MEF2B: variants seen among roughly 807,000 people sequenced by gnomAD.
MEF2B encodes the protein myocyte enhancer factor 2B, also known as myocyte-specific enhancer factor 2B.
A neutral mutation model predicts 32.2 loss-of-function variants in MEF2B; 15 were observed. The observed-to-expected ratio is 0.47, with a 90% CI of 0.31 to 0.72. The LOEUF (loss-of-function observed/expected upper bound fraction) is 0.72. Among genes scored for constraint, MEF2B ranks in the 30% least tolerant of loss-of-function variants. The pLI, the probability that MEF2B is intolerant of heterozygous loss-of-function variation, is 0.05. For synonymous variants in MEF2B, 205 were observed against 225.6 expected (o/e 0.91, Z 0.82); for missense variants, 441 against 511.5 (o/e 0.86, Z 1.33).
chr19:19,152,661 G>A (rs575171510), intron 1 of MEF2B, among the ~76,000 whole-genome samples: 14 of 152,334 alleles, frequency 9.2e-5, no homozygotes, highest in South Asian at 2.1e-4. Flanking sequence ...CCGAGATCCC[G>A]AGATTTTGAC....
intron 1 of MEF2B, among the ~76,000 whole-genome samples, chr19:19,159,777 C>T (rs2060145665): frequency 6.6e-6 from 1 of 152,064 alleles, no homozygotes; most frequent in Admixed American, 6.6e-5. Context: ...ATTATCATCT[C>T]CCCAGCCTGG....
At chr19:19,146,198 A>G (rs2060024591) in intron 8 of MEF2B, 75 bp downstream of exon 8, 6 of 849,692 alleles carry the variant, frequency 7.1e-6, no homozygotes, top group Non-Finnish European at 1.0e-5. Context: ...GCGCAGTACC[A>G]GGGATGGCCA....
rs577928228 is a variant in MEF2B, at chr19:19,167,742, C to T, written c.-30+2463G>A. ...AGCCAAGAGTGGGTTCAGCTTGCTCCGCTCACAGGAGCTGCCACAAAGTTC... is the reference window on the plus strand; with the variant it reads ...AGCCAAGAGTGGGTTCAGCTTGCTCTGCTCACAGGAGCTGCCACAAAGTTC... On this transcript the variant is annotated intron_variant, in intron 1 of 8. Coordinates refer to ENST00000424583, the MANE Select transcript of MEF2B (RefSeq NM_001145785.2). Among the ~76,000 whole-genome samples the T allele has an allele frequency of 5.8e-4, 89 of 152,252 alleles. 4 individuals carry two copies. In the South Asian group the frequency reaches 0.017, roughly 28 times the overall value.
intron 3 of MEF2B, among the ~76,000 whole-genome samples, chr19:19,148,756 G>A (rs997957280): frequency 6.6e-6 from 1 of 151,634 alleles, no homozygotes; most frequent in Non-Finnish European, 1.5e-5. Context: ...CTGTTGCCCA[G>A]GCTGGAGTGC....
intron 1 of MEF2B, among the ~76,000 whole-genome samples, chr19:19,151,501 C>T (rs2060079372): frequency 6.6e-6 from 1 of 152,088 alleles, no homozygotes; most frequent in Admixed American, 6.6e-5. Flanking sequence ...CTCGAGGTTC[C>T]TGGGAACAAT....
chr19:19,147,025 C>A lies in MEF2B; in HGVS notation c.541+11G>T. ...CAGGACCTCACCCCTGCCCCACTGT[C>A]CCATGCTCACCTGGGGGCCCGGCTT... On this transcript the variant is annotated intron_variant, in intron 5 of 8. Transcript: ENST00000424583. 3 of 1,593,724 alleles carry A rather than the reference C, an allele frequency of 1.9e-6. No individual in the cohort carries two copies. The highest frequency in any genetic ancestry group is 2.6e-6 in the Non-Finnish European group (3 of 1,170,948).
chr19:19,166,970 A>G (rs11085254), intron 1 of MEF2B, among the ~76,000 whole-genome samples: 27,911 of 151,896 alleles, frequency 0.18, 2,982 homozygotes, highest in East Asian at 0.37. Context: ...TTGGGATGCC[A>G]AGGTGGGCTG....
At chr19:19,166,973 G>A (rs2060213734) in intron 1 of MEF2B, among the ~76,000 whole-genome samples, 1 of 152,196 alleles carries the variant, frequency 6.6e-6, no homozygotes, top group Non-Finnish European at 1.5e-5. Flanking sequence ...GGATGCCAAG[G>A]TGGGCTGAGT....
chr19:19,160,712 C>T (rs1355012262), intron 1 of MEF2B, among the ~76,000 whole-genome samples: 2 of 152,156 alleles, frequency 1.3e-5, no homozygotes, highest in Admixed American at 1.3e-4. Context: ...TCAGGCCTGC[C>T]GCCCCGCCTC....
Position 19,145,828 on chromosome 19 carries a change from C to G in MEF2B, c.1076G>C (p.Arg359Pro), listed in dbSNP as rs773229099. The G allele has an allele frequency of 6.6e-7, 1 of 1,525,656 alleles. No individual in the cohort carries two copies. The highest frequency in any genetic ancestry group is 1.2e-5 in the South Asian group (1 of 81,892). The allele number at this position is 1,525,656 out of a possible 1,614,324, so 94.5% of individuals were successfully genotyped here. Residue 359 changes from arginine to proline, a missense_variant, in exon 9 of 9, where the codon CGG becomes CCG. Around this residue, in one of 2 missense-constraint regions of MEF2B, gnomAD observed 326 missense variants for 328.4 expected, o/e 0.99. Coordinates refer to ENST00000424583, the MANE Select transcript of MEF2B (RefSeq NM_001145785.2). The surrounding 1 kb of genome is among the most constrained non-coding windows in gnomAD (Gnocchi z 4.6). The stretch of plus-strand genomic sequence containing the variant: ...GGGCCAGCCGTCGGCCAAGGGCAGC[C>G]GGCGCAGGGCGGGCCCAGGCCGCAG... ...EPLRPGPALR[R>P]LPLADGWPR is the part of the protein sequence containing the mutation.
chr19:19,158,371 G>GA (rs2060134186), intron 1 of MEF2B, among the ~76,000 whole-genome samples: 1 of 146,040 alleles, frequency 6.8e-6, no homozygotes, highest in Non-Finnish European at 1.5e-5. Context: ...ACAGGCGTGA[G>GA]CATGGGCGCC....
chr19:19,160,884 G>A (rs564123159), intron 1 of MEF2B, among the ~76,000 whole-genome samples: 11 of 152,226 alleles, frequency 7.2e-5, no homozygotes, highest in Admixed American at 3.3e-4. Flanking sequence ...CCAGAGCCCT[G>A]GGCCCGCCTC....
intron 1 of MEF2B, among the ~76,000 whole-genome samples, chr19:19,160,686 C>T (rs1050382421): frequency 6.6e-5 from 10 of 151,844 alleles, no homozygotes; most frequent in South Asian, 2.1e-4. Flanking sequence ...GCGCTGCTCC[C>T]GGCCCCTGCA....
At chr19:19,150,208 G>GA in intron 2 of MEF2B, among the ~76,000 whole-genome samples, 1 of 145,590 alleles carries the variant, frequency 6.9e-6, no homozygotes, top group African/African-American at 2.5e-5. Context: ...AGGAAGGAAG[G>GA]AGGGAAGGAG....
Position 19,164,124 on chromosome 19 carries a change from T to A in MEF2B, c.-30+6081A>T, listed in dbSNP as rs548495177. ...TGGGATCACAGGCTCGCCCCCACCA[T>A]GCCCAGCTAATTTTTTATTTTTAGT... On this transcript the variant is annotated intron_variant, in intron 1 of 8. Transcript: ENST00000424583. Among the ~76,000 whole-genome samples the A allele has an allele frequency of 7.9e-5, 12 of 152,194 alleles. No individual in the cohort carries two copies. In the East Asian group the frequency reaches 2.3e-3, roughly 29 times the overall value.
At chr19:19,147,552 G>C in intron 4 of MEF2B, 146 bp downstream of exon 4, 1 of 1,513,796 alleles carries the variant, frequency 6.6e-7, no homozygotes, top group East Asian at 2.3e-5. Context: ...ACTTCTCAAA[G>C]AAGCCTTTCC....
At chr19:19,168,852 C>G (rs1244084402) in intron 1 of MEF2B, among the ~76,000 whole-genome samples, 1 of 151,662 alleles carries the variant, frequency 6.6e-6, no homozygotes, top group Non-Finnish European at 1.5e-5. Context: ...CACATGAGAC[C>G]AGCCTGGCAA....
chr19:19,153,645 C>T lies in MEF2B; in HGVS notation c.-29-2881G>A, dbSNP rs530929160. On this transcript the variant is annotated intron_variant, in intron 1 of 8. Coordinates refer to ENST00000424583, the MANE Select transcript of MEF2B (RefSeq NM_001145785.2). The stretch of plus-strand genomic sequence containing the variant: ...CTAATTTTTGTATTTTTAGTAGAGA[C>T]GGGGTTTCACCATGTTGGCCAGGCT... Among the ~76,000 whole-genome samples the T allele has an allele frequency of 4.6e-5, 7 of 152,150 alleles. No individual in the cohort carries two copies. The South Asian group carries it at 6.2e-4, about 14-fold the overall frequency.
intron 3 of MEF2B, among the ~76,000 whole-genome samples, chr19:19,148,869 A>G (rs79218662): frequency 0.21 from 31,617 of 151,480 alleles, 4,426 homozygotes; most frequent in East Asian, 0.45. Context: ...GAGCCACCAC[A>G]CCTGGCTAAT....
Sources: allele counts gnomAD v4.1 joint callset (sites outside exome capture counted in the v4.1 genomes callset), GRCh38; gene constraint gnomAD v4.1.1; regional missense constraint gnomAD v4.1.1; non-coding constraint Gnocchi (gnomAD v3.1); transcripts MANE v1.5; gene names NCBI Gene and HGNC (gene_info 2026-07-23, HGNC 2026-07-21).